EPN1: variants seen among roughly 807,000 people sequenced by gnomAD.
The protein encoded by EPN1 is epsin-1.
In EPN1, 25 loss-of-function variants were observed where a neutral mutation model predicts 56.9. The ratio of observed to expected loss-of-function variants is 0.44; its 90% CI spans 0.32 to 0.61. The LOEUF is 0.61. EPN1 is among the 20% of genes least tolerant of loss of function. EPN1 has a pLI of 0.05. For missense variants in EPN1, 785 were observed against 823.7 expected (o/e 0.95, Z 0.58); for synonymous variants, 411 against 361.8 (o/e 1.14, Z -1.54).
chr19:55,706,145 C>CTTCCTCCTCCTCCTCTCTTT lies in EPN1; in HGVS notation c.*10791_*10810dup. On this transcript the variant is annotated 3_prime_UTR_variant, in exon 11 of 11. Transcript: ENST00000270460. ...TGAGACTGGAGAACTTTGATTTCTTCTTCCTCCTCCTCCTCTCTTTTCTTC... is the reference window on the plus strand; with the variant it reads ...TGAGACTGGAGAACTTTGATTTCTTCTTCCTCCTCCTCCTCTCTTTTTCCTCCTCCTCCTCTCTTTTCTTC... 5.5e-6 allele frequency: 1 copy of CTTCCTCCTCCTCCTCTCTTT among 181,492 alleles called. No homozygotes were observed. Among genetic ancestry groups the CTTCCTCCTCCTCCTCTCTTT allele is most frequent in the Non-Finnish European group, 1.1e-5 (1 of 93,806 alleles). 11.2% of individuals were successfully genotyped at this position (181,492 alleles called of 1,614,324 possible).
At chr19:55,682,473 C>CA (rs1985878250) in intron 2 of EPN1, among the ~76,000 whole-genome samples, 2 of 152,044 alleles carry the variant, frequency 1.3e-5, no homozygotes. Context: ...GGCTGGAGTG[C>CA]GTTGACATGT....
At chr19:55,683,952 C>T (rs73933306) in intron 2 of EPN1, among the ~76,000 whole-genome samples, 3,038 of 152,262 alleles carry the variant, frequency 0.02, 116 homozygotes, top group African/African-American at 0.07. Context: ...GCGTTATTTT[C>T]CTGGTCTGAA....
chr19:55,676,924 T>C (rs1427600787), intron 1 of EPN1: 23 of 456,282 alleles, frequency 5.0e-5, no homozygotes, highest in Admixed American at 1.1e-4. Context: ...AGAACTGTCT[T>C]CTATTTCTTC....
At position 55,705,815 on chromosome 19, in the gene EPN1, A is replaced by ATATATATATATATATGTG. The variant is rs1484787604; in HGVS notation, c.*10472_*10473insATGTGTATATATATATAT. 5.9e-4 allele frequency: 73 copies of ATATATATATATATATGTG among 123,220 alleles called. 3 individuals are homozygous for ATATATATATATATATGTG. The highest frequency in any genetic ancestry group is 2.7e-3 in the African/African-American group (70 of 25,626). The allele number at this position is 123,220 out of a possible 1,614,324, so 7.6% of individuals were successfully genotyped here. ...GAATATTTGTTGTTGTGGGATATAT[A>ATATATATATATATATGTG]TATATATATATATTTAGAGTGTTGT... is the stretch of plus-strand genomic sequence containing the variant. On this transcript the variant is annotated 3_prime_UTR_variant, in exon 11 of 11. Transcript: ENST00000270460.
rs1306330104 is a variant in EPN1 at position 55,700,710 on chromosome 19, C to A, written c.*5354C>A. 6.6e-6 allele frequency: 1 copy of A among 152,274 alleles called. No homozygotes were observed. The highest frequency in any genetic ancestry group is 1.5e-5 in the Non-Finnish European group (1 of 68,074). 9.4% of individuals were successfully genotyped at this position (152,274 alleles called of 1,614,324 possible). ...CACCTACAGCCTCCTCATGGCCCCT[C>A]CCCTGGAGCACTTAAAAATGGTAAT... is the stretch of plus-strand genomic sequence containing the variant. On this transcript the variant is annotated 3_prime_UTR_variant, in exon 11 of 11. Transcript: ENST00000270460.
intron 1 of EPN1, among the ~76,000 whole-genome samples, 163 bp downstream of exon 1, chr19:55,675,598 CTGTGTCTGTCTCTCTCGTGTCTG>C (rs1192848997): frequency 6.6e-6 from 1 of 152,200 alleles, no homozygotes; most frequent in Non-Finnish European, 1.5e-5. Flanking sequence ...TGTCGGTTGT[CTGTGTCTGTCTCTCTCGTGTCTG>C]TGTGTCTGTC....
At chr19:55,675,680 A>G (rs1025803926) in intron 1 of EPN1, among the ~76,000 whole-genome samples, 2 of 152,046 alleles carry the variant, frequency 1.3e-5, no homozygotes, top group Non-Finnish European at 2.9e-5. Context: ...CAGTGAACTT[A>G]GAAAAGGGTT....
At chr19:55,684,857 G>C (rs1600100180) in intron 2 of EPN1, among the ~76,000 whole-genome samples, 1 of 152,244 alleles carries the variant, frequency 6.6e-6, no homozygotes, top group South Asian at 2.1e-4. Context: ...CATGGCGGCT[G>C]TGGTGCCTGT....
In EPN1 at chr19:55,689,982, C is replaced by T. The variant is rs1320761572; in HGVS notation, c.762+32C>T. ...GGGGCTTGTTCTGCCCTCCCTGGCC[C>T]CTGCAGGTGTCCGTCCGTCCCATCG... On this transcript the variant is annotated intron_variant, in intron 6 of 10. Transcript: ENST00000270460. The surrounding 1 kb of genome is among the most constrained non-coding windows in gnomAD (Gnocchi z 5.7). 8 of 1,557,358 alleles carry T rather than the reference C, an allele frequency of 5.1e-6. No homozygotes were observed. Among genetic ancestry groups the T allele is most frequent in the Non-Finnish European group, 6.1e-6 (7 of 1,147,714 alleles).
chr19:55,682,214 C>T (rs1459111312), intron 2 of EPN1, among the ~76,000 whole-genome samples: 2 of 152,170 alleles, frequency 1.3e-5, no homozygotes, highest in African/African-American at 4.8e-5. Context: ...ACCTGTGTAG[C>T]CTTCACCTAG....
chr19:55,678,391 T>C, intron 1 of EPN1, 136 bp from the exon 2 acceptor site: 2 of 912,896 alleles, frequency 2.2e-6, no homozygotes, highest in East Asian at 5.3e-5. Context: ...GAAACATGGA[T>C]GGGGTTACTT....
Position 55,689,234 on chromosome 19 carries a change from G to C in EPN1, c.604-63G>C. 7.7e-7 allele frequency: 1 copy of C among 1,299,524 alleles called. No homozygotes were observed. The allele number at this position is 1,299,524 out of a possible 1,614,324, so 80.5% of individuals were successfully genotyped here. A position where few individuals can be genotyped will look rare whatever the true frequency, so the allele number is the denominator to read the frequency against. On this transcript the variant is annotated intron_variant, in intron 4 of 10. Transcript: ENST00000270460. This position sits in a 1 kb window ranked among gnomAD's most constrained non-coding sequence, Gnocchi z 5.7. ...CTTTCTTCGGCTCTATCTGACCCTG[G>C]CTCTGCCTCTGACTCTGCCTCTGGC... is the stretch of plus-strand genomic sequence containing the variant.
Position 55,678,708 on chromosome 19 carries a change from C to T in EPN1, c.81C>T (p.Ala27=). The part of the protein sequence containing the change: ...YSEAEIKVRE[A]TSNDPWGPSS... ...AGGCGGAGATCAAGGTTCGAGAGGC[C>T]ACGAGCAATGACCCCTGGGGCCCAT... Residue 27 remains alanine, a synonymous_variant, in exon 2 of 11, where the codon GCC becomes GCT. Transcript: ENST00000270460. 6.2e-7 allele frequency: 1 copy of T among 1,614,188 alleles called. No homozygotes were observed. The highest frequency in any genetic ancestry group is 1.1e-5 in the South Asian group (1 of 91,084).
At position 55,706,674 on chromosome 19, in the gene EPN1, G is replaced by A. The variant is rs1026542485; in HGVS notation, c.*11318G>A. The A allele has an allele frequency of 9.4e-5, 14 of 149,680 alleles. No individual in the cohort carries two copies. The highest frequency in any genetic ancestry group is 3.5e-4 in the African/African-American group (14 of 40,390). The allele number at this position is 149,680 out of a possible 1,614,324, so 9.3% of individuals were successfully genotyped here. A position where few individuals can be genotyped will look rare whatever the true frequency, so the allele number is the denominator to read the frequency against. The stretch of plus-strand genomic sequence containing the variant: ...AAAGGAAAGAAAGAAAAGAGGGGAA[G>A]GGAAGGGAGAGATTTAAAAAACAAT... On this transcript the variant is annotated 3_prime_UTR_variant, in exon 11 of 11. Coordinates refer to ENST00000270460, the MANE Select transcript of EPN1 (RefSeq NM_001130072.2).
In EPN1 at chr19:55,691,827, C is replaced by T. The variant is rs1047600595; in HGVS notation, c.836C>T (p.Pro279Leu). ...CCGACCACAGACCCCTGGGGGGGCC[C>T]AGCACCCATGGCTGCTGCCGTCCCC... ...PAPTTDPWGG[P>L]APMAAAVPTA... Residue 279 changes from proline to leucine, a missense_variant, in exon 7 of 11, where the codon CCA (proline) becomes CTA (leucine). By Grantham distance (98) the Pro-to-Leu change is moderately conservative. Coordinates refer to ENST00000270460, the MANE Select transcript of EPN1 (RefSeq NM_001130072.2). This position sits in a 1 kb window ranked among gnomAD's most constrained non-coding sequence, Gnocchi z 5.6. 27 of 1,609,724 alleles carry T rather than the reference C, an allele frequency of 1.7e-5. No homozygotes were observed. Among genetic ancestry groups the T allele is most frequent in the Non-Finnish European group, 2.1e-5 (25 of 1,177,450 alleles).
In EPN1 at chr19:55,708,749, C is replaced by T. The variant is rs565893705; in HGVS notation, c.*13393C>T. ...GAGGCAAAGACAATCAGCATGTACA[C>T]TGAATCACACTCCATAATCATATTG... is the stretch of plus-strand genomic sequence containing the variant. On this transcript the variant is annotated 3_prime_UTR_variant, in exon 11 of 11. Transcript: ENST00000270460. 65 of 511,304 alleles carry T rather than the reference C, an allele frequency of 1.3e-4. No homozygotes were observed. The highest frequency in any genetic ancestry group is 1.2e-3 in the African/African-American group (60 of 50,918). The allele number at this position is 511,304 out of a possible 1,614,324, so 31.7% of individuals were successfully genotyped here.
rs1297354725 is a variant in EPN1, at chr19:55,689,849, G to A, written c.679-18G>A. 9 of 1,588,340 alleles carry A rather than the reference G, an allele frequency of 5.7e-6. No homozygotes were observed. The South Asian group carries it at 5.8e-5, about 10-fold the overall frequency. On this transcript the variant is annotated intron_variant, in intron 5 of 10. Transcript: ENST00000270460. The surrounding 1 kb of genome is among the most constrained non-coding windows in gnomAD (Gnocchi z 5.7). ...CTCACGTTCTCATGTCTCCCTGGTC[G>A]TGCCCGTGCCCCAACAGGAGGAGCG...
Position 55,689,193 on chromosome 19 carries a change from G to T in EPN1, c.604-104G>T. 8.8e-7 allele frequency: 1 copy of T among 1,142,146 alleles called. No homozygotes were observed. Among genetic ancestry groups the T allele is most frequent in the Non-Finnish European group, 1.3e-6 (1 of 794,210 alleles). The allele number at this position is 1,142,146 out of a possible 1,614,324, so 70.8% of individuals were successfully genotyped here. A position where few individuals can be genotyped will look rare whatever the true frequency, so the allele number is the denominator to read the frequency against. On this transcript the variant is annotated intron_variant, in intron 4 of 10. Coordinates refer to ENST00000270460, the MANE Select transcript of EPN1 (RefSeq NM_001130072.2). The surrounding 1 kb of genome is among the most constrained non-coding windows in gnomAD (Gnocchi z 5.7). ...CTCTGCCTGTCCCTCACTGGTTCAGGGACCCCCAGCCCTCTCTTTCTTCGG... is the reference window on the plus strand; with the variant it reads ...CTCTGCCTGTCCCTCACTGGTTCAGTGACCCCCAGCCCTCTCTTTCTTCGG...
At chr19:55,683,212 T>G (rs1438210488) in intron 2 of EPN1, among the ~76,000 whole-genome samples, 1 of 142,088 alleles carries the variant, frequency 7.0e-6, no homozygotes, top group East Asian at 2.2e-4. Flanking sequence ...CATGCCACAA[T>G]GCCTGGCTAA....
Sources: allele counts gnomAD v4.1 joint callset (sites outside exome capture counted in the v4.1 genomes callset), GRCh38; gene constraint gnomAD v4.1.1; non-coding constraint Gnocchi (gnomAD v3.1); transcripts MANE v1.5; gene names NCBI Gene and HGNC (gene_info 2026-07-23, HGNC 2026-07-21).